Variants in NCKAP5 observed in about 807,000 individuals in gnomAD.
NCKAP5 encodes the protein nck-associated protein 5.
A neutral mutation model predicts 167.0 loss-of-function variants in NCKAP5; 92 were observed. The ratio of observed to expected loss-of-function variants is 0.55; its 90% CI spans 0.47 to 0.66. The LOEUF (loss-of-function observed/expected upper bound fraction) is 0.66. NCKAP5 is among the 30% of genes least tolerant of loss of function. The pLI is 0.00. For synonymous variants in NCKAP5, 891 were observed against 877.4 expected (o/e 1.02, Z -0.27); for missense variants, 2,378 against 2,315.0 (o/e 1.03, Z -0.56).
At chr2:133,323,411 A>C (rs1262721605) in intron 3 of NCKAP5, among the ~76,000 whole-genome samples, 2 of 152,200 alleles carry the variant, frequency 1.3e-5, no homozygotes, top group Non-Finnish European at 2.9e-5. Context: ...CTATTTCAGC[A>C]TCTCAGGGTT....
chr2:133,417,491 C>T (rs768914328), intron 3 of NCKAP5, among the ~76,000 whole-genome samples: 4 of 152,180 alleles, frequency 2.6e-5, no homozygotes, highest in Non-Finnish European at 4.4e-5. Flanking sequence ...CGTGAACTGC[C>T]AGAGCAGTGG....
At chr2:133,482,169 T>C (rs1680506679) in intron 3 of NCKAP5, among the ~76,000 whole-genome samples, 1 of 152,186 alleles carries the variant, frequency 6.6e-6, no homozygotes, top group Non-Finnish European at 1.5e-5. Context: ...TTATTTCTAA[T>C]GGGTGAATAG....
At chr2:132,730,756 T>C (rs1387597909) in intron 17 of NCKAP5, among the ~76,000 whole-genome samples, 1 of 152,208 alleles carries the variant, frequency 6.6e-6, no homozygotes, top group African/African-American at 2.4e-5. Context: ...GGAGGCTGTG[T>C]CATTAATTAA....
intron 8 of NCKAP5, among the ~76,000 whole-genome samples, chr2:132,916,284 C>T (rs1222727843): frequency 2.6e-5 from 4 of 151,980 alleles, no homozygotes; most frequent in African/African-American, 9.7e-5. Context: ...AATTTATGAT[C>T]GAATGTGACA....
intron 8 of NCKAP5, among the ~76,000 whole-genome samples, chr2:132,939,218 T>C (rs1697092474): frequency 6.6e-6 from 1 of 152,186 alleles, no homozygotes; most frequent in African/African-American, 2.4e-5. Flanking sequence ...ACTAAACACA[T>C]CTTGACATTA....
intron 6 of NCKAP5, among the ~76,000 whole-genome samples, chr2:133,102,744 AACACACACACACACAC>A (rs3051212): frequency 7.2e-4 from 98 of 135,214 alleles, no homozygotes; most frequent in African/African-American, 2.0e-3. Flanking sequence ...CAAGCATGTA[AACACACACACACACAC>A]ACACACACAC....
chr2:132,699,596 T>C (rs1248451376), intron 19 of NCKAP5, among the ~76,000 whole-genome samples: 2 of 152,182 alleles, frequency 1.3e-5, no homozygotes, highest in African/African-American at 2.4e-5. Context: ...TTTCTGTCCT[T>C]GCAATAGTTT....
At chr2:133,324,434 G>A (rs902432663) in intron 3 of NCKAP5, among the ~76,000 whole-genome samples, 8 of 152,210 alleles carry the variant, frequency 5.3e-5, no homozygotes. Context: ...TTTTATAGCT[G>A]GCTGCTGAGT....
At chr2:133,621,133 A>G in the NCKAP5 span, among the ~76,000 whole-genome samples, 26,847 of 152,038 alleles carry the variant, frequency 0.18, 3,992 homozygotes, top group African/African-American at 0.41. Context: ...GTGCTAGAAG[A>G]AAAGTTCCTA....
chr2:133,213,639 C>A (rs1463645770), intron 5 of NCKAP5, 77 bp downstream of exon 5: 11 of 1,429,618 alleles, frequency 7.7e-6, no homozygotes, highest in Non-Finnish European at 1.1e-5. Context: ...CCTTAGATAT[C>A]CTTAATGAGG....
the NCKAP5 span, among the ~76,000 whole-genome samples, chr2:133,621,091 T>G: frequency 6.6e-6 from 1 of 152,010 alleles, no homozygotes; most frequent in Non-Finnish European, 1.5e-5. Context: ...AGTGACACAA[T>G]CTATCAAAAT....
At position 132,782,621 on chromosome 2, in the gene NCKAP5, G is replaced by A. The variant is rs753153639; in HGVS notation, c.4190C>T (p.Pro1397Leu). The A allele has an allele frequency of 8.8e-6, 14 of 1,598,660 alleles. No homozygotes were observed. The South Asian group carries it at 1.6e-4, about 18-fold the overall frequency. Residue 1397 changes from proline (P) to leucine (L), a missense_variant, in exon 14 of 20, where the codon CCC becomes CTC. By Grantham distance (98) the Pro-to-Leu change is moderately conservative. Transcript: ENST00000409261. ...CCCAAGTACAGCCACATTGGCACTGGGGCACTCTCCCTGGGTGAAGGCCTG... is the reference window on the plus strand; with the variant it reads ...CCCAAGTACAGCCACATTGGCACTGAGGCACTCTCCCTGGGTGAAGGCCTG... ...DQQAFTQGEC[P>L]SANVAVLGEP...
intron 11 of NCKAP5, among the ~76,000 whole-genome samples, chr2:132,804,799 C>T (rs879462012): frequency 9.9e-5 from 15 of 151,920 alleles, no homozygotes; most frequent in Admixed American, 5.9e-4. Flanking sequence ...ATGACAGAAG[C>T]GAAGGAAGGC....
chr2:132,978,833 G>T (rs1054883545), intron 7 of NCKAP5, among the ~76,000 whole-genome samples: 1 of 152,178 alleles, frequency 6.6e-6, no homozygotes, highest in Non-Finnish European at 1.5e-5. Flanking sequence ...CAACCCTGAA[G>T]CATTCTGGCA....
chr2:133,379,556 A>G (rs551279387), intron 3 of NCKAP5, among the ~76,000 whole-genome samples: 1 of 152,218 alleles, frequency 6.6e-6, no homozygotes, highest in African/African-American at 2.4e-5. Flanking sequence ...TCAGTAAAAC[A>G]CTCCATGCCT....
At position 132,742,248 on chromosome 2, in the gene NCKAP5, T is replaced by C. The variant is rs185894159; in HGVS notation, c.5129-10197A>G. Among the ~76,000 whole-genome samples, 7 of 152,104 alleles carry C rather than the reference T, an allele frequency of 4.6e-5. No homozygotes were observed. The East Asian group carries it at 1.3e-3, about 29-fold the overall frequency. Reference sequence around the variant, plus strand: ...TTCACATCAGGTTTGGTGAATTACATGGACAACTGCCTCTATTCTTAATTT... The same window carrying C: ...TTCACATCAGGTTTGGTGAATTACACGGACAACTGCCTCTATTCTTAATTT... On this transcript the variant is annotated intron_variant, in intron 16 of 19. Coordinates refer to ENST00000409261, the MANE Select transcript of NCKAP5 (RefSeq NM_207363.3).
chr2:132,863,400 T>A (rs923754187), intron 10 of NCKAP5, among the ~76,000 whole-genome samples: 1 of 150,012 alleles, frequency 6.7e-6, no homozygotes, highest in Non-Finnish European at 1.5e-5. Context: ...GTAACCACGA[T>A]TTTTAGCAGC....
intron 3 of NCKAP5, among the ~76,000 whole-genome samples, chr2:133,391,959 G>A (rs540650770): frequency 1.6e-4 from 25 of 152,280 alleles, no homozygotes; most frequent in African/African-American, 4.1e-4. Context: ...GGGTTACAAC[G>A]TCCCTTTGCC....
chr2:132,809,371 A>T (rs943468083), intron 11 of NCKAP5, among the ~76,000 whole-genome samples: 7 of 152,118 alleles, frequency 4.6e-5, no homozygotes, highest in Non-Finnish European at 1.0e-4. Context: ...TGGAGTATTG[A>T]AGTCCCTCAC....
Sources: gnomAD v4.1 joint callset for allele counts (sites outside exome capture counted in the v4.1 genomes callset) on GRCh38, gnomAD v4.1.1 for gene constraint, MANE v1.5 for transcripts, NCBI Gene and HGNC (gene_info 2026-07-23, HGNC 2026-07-21) for gene names.